Variants in CAMTA1 observed in about 807,000 individuals in gnomAD.
CAMTA1 encodes the protein calmodulin-binding transcription activator 1.
Under a neutral mutation model 170.9 loss-of-function variants are expected in CAMTA1, and 27 were observed. The observed-to-expected ratio is 0.16, with a 90% CI of 0.12 to 0.22. CAMTA1 has a LOEUF of 0.22. Among genes scored for constraint, CAMTA1 ranks in the 10% least tolerant of loss-of-function variants. CAMTA1 has a pLI of 1.00. For synonymous variants in CAMTA1, 833 were observed against 891.5 expected (o/e 0.93, Z 1.17); for missense variants, 1,619 against 2,217.2 (o/e 0.73, Z 5.42).
chr1:7,465,023 C>T (rs999117917), intron 5 of CAMTA1, among the ~76,000 whole-genome samples: 1 of 152,214 alleles, frequency 6.6e-6, no homozygotes, highest in African/African-American at 2.4e-5. Context: ...TTCCTTGAAA[C>T]TGAAGCTCAA....
In CAMTA1 at chr1:6,841,506, C is replaced by T. The variant is rs1655686850; in HGVS notation, c.234+16296C>T. Among the ~76,000 whole-genome samples, 3 of 151,336 alleles carry T rather than the reference C, an allele frequency of 2.0e-5. No homozygotes were observed. In the South Asian group the frequency reaches 6.3e-4, roughly 32 times the overall value. ...CCAGTGGAGTGTTGGTGCGGTGGCC[C>T]AATGGGAGTGAGTTGAAGAGCCAGC... On this transcript the variant is annotated intron_variant, in intron 3 of 22. Transcript: ENST00000303635.
At chr1:7,334,475 A>G (rs1289913388) in intron 5 of CAMTA1, among the ~76,000 whole-genome samples, 1 of 152,208 alleles carries the variant, frequency 6.6e-6, no homozygotes, top group African/African-American at 2.4e-5. Flanking sequence ...CCTAGCATGT[A>G]GCTAATATTA....
intron 11 of CAMTA1, among the ~76,000 whole-genome samples, chr1:7,689,878 G>C (rs1435462450): frequency 6.6e-6 from 1 of 152,146 alleles, no homozygotes; most frequent in East Asian, 1.9e-4. Flanking sequence ...GAGCCGGCTA[G>C]TGGGCACAGT....
rs973148383 is a variant in CAMTA1, at chr1:7,165,808, T to C, written c.302+74437T>C. ...TTTATTAACAATACATGGCATTGTT[T>C]TGCAGATTTTAAAAGTTTATATGAG... On this transcript the variant is annotated intron_variant, in intron 4 of 22. Transcript: ENST00000303635. Among the ~76,000 whole-genome samples, 118 of 152,338 alleles carry C rather than the reference T, an allele frequency of 7.7e-4. 1 individual carries two copies. Among genetic ancestry groups the C allele is most frequent in the African/African-American group, 2.8e-3 (115 of 41,580 alleles).
At chr1:7,384,594 C>T (rs2087720167) in intron 5 of CAMTA1, among the ~76,000 whole-genome samples, 1 of 152,222 alleles carries the variant, frequency 6.6e-6, no homozygotes, top group African/African-American at 2.4e-5. Context: ...CCTATCAAAG[C>T]AGCAAGGACA....
chr1:7,529,322 A>G (rs1371416426), intron 6 of CAMTA1, among the ~76,000 whole-genome samples: 2 of 151,224 alleles, frequency 1.3e-5, no homozygotes, highest in African/African-American at 4.9e-5. Flanking sequence ...CTGGGTCTGC[A>G]TCTCTCCTCT....
rs6685802 is a variant in CAMTA1 at position 7,014,696 on chromosome 1, G to A, written c.235-76608G>A. ...TTTCAAAAAGGAAGCCTCTCCTCTC[G>A]GGTATCATGACCAGGCTCCTCGTAA... is the stretch of plus-strand genomic sequence containing the variant. On this transcript the variant is annotated intron_variant, in intron 3 of 22. Transcript: ENST00000303635. This position sits in a 1 kb window ranked among gnomAD's most constrained non-coding sequence, Gnocchi z 4.2. Among the ~76,000 whole-genome samples, 4,791 of 152,200 alleles carry A rather than the reference G, an allele frequency of 0.031. 94 individuals carry two copies. The highest frequency in any genetic ancestry group is 0.048 in the South Asian group (229 of 4,804).
At chr1:7,260,797 G>A (rs1196386350) in intron 5 of CAMTA1, among the ~76,000 whole-genome samples, 3 of 152,214 alleles carry the variant, frequency 2.0e-5, no homozygotes, top group African/African-American at 7.2e-5. Flanking sequence ...ATGACAGCAC[G>A]AGAAAACTGG....
At chr1:7,648,246 T>G (rs6683920) in intron 7 of CAMTA1, among the ~76,000 whole-genome samples, 35,494 of 151,816 alleles carry the variant, frequency 0.23, 7,881 homozygotes, top group African/African-American at 0.59. Context: ...ACAAAAATTA[T>G]CTGGGCATGG....
At chr1:7,638,560 T>C (rs1277266633) in intron 6 of CAMTA1, among the ~76,000 whole-genome samples, 1 of 152,018 alleles carries the variant, frequency 6.6e-6, no homozygotes, top group Admixed American at 6.6e-5. Flanking sequence ...GAGAATTGCT[T>C]GAACCTGGGA....
At chr1:7,668,816 T>G (rs890680134) in intron 9 of CAMTA1, among the ~76,000 whole-genome samples, 1 of 152,284 alleles carries the variant, frequency 6.6e-6, no homozygotes. Flanking sequence ...AGCTGTTGAT[T>G]GCGGTTATTA....
At chr1:7,501,471 C>T (rs987859144) in intron 6 of CAMTA1, among the ~76,000 whole-genome samples, 5 of 151,904 alleles carry the variant, frequency 3.3e-5, no homozygotes, top group African/African-American at 7.3e-5. Flanking sequence ...TTGGGCTTGG[C>T]GGGGTGTGGG....
At chr1:7,705,005 C>T (rs1177677478) in intron 11 of CAMTA1, among the ~76,000 whole-genome samples, 1 of 126,440 alleles carries the variant, frequency 7.9e-6, no homozygotes, top group Non-Finnish European at 1.7e-5. Context: ...GACACGCGTG[C>T]TCGCGGGCCG....
intron 3 of CAMTA1, among the ~76,000 whole-genome samples, chr1:6,923,860 G>GA (rs1240303057): frequency 6.6e-6 from 1 of 152,188 alleles, no homozygotes; most frequent in Non-Finnish European, 1.5e-5. Flanking sequence ...GAATCCCCTA[G>GA]ACCTGCCAAT....
chr1:7,660,387 A>T (rs1463148226), intron 7 of CAMTA1, among the ~76,000 whole-genome samples: 2 of 152,090 alleles, frequency 1.3e-5, no homozygotes, highest in African/African-American at 2.4e-5. Context: ...ATTTTTTTTT[A>T]AATATCCAAG....
At chr1:7,308,849 T>C (rs1343801168) in intron 5 of CAMTA1, among the ~76,000 whole-genome samples, 1 of 152,236 alleles carries the variant, frequency 6.6e-6, no homozygotes, top group African/African-American at 2.4e-5. Flanking sequence ...TTGATGGTGC[T>C]ATTGAGTTGT....
chr1:6,886,534 T>C (rs1454893761), intron 3 of CAMTA1, among the ~76,000 whole-genome samples: 1 of 152,212 alleles, frequency 6.6e-6, no homozygotes, highest in Admixed American at 6.5e-5. Flanking sequence ...TTGTGACTTG[T>C]GAAAGTCACT....
chr1:7,344,732 T>A (rs1028252565), intron 5 of CAMTA1, among the ~76,000 whole-genome samples: 13 of 149,222 alleles, frequency 8.7e-5, no homozygotes, highest in Non-Finnish European at 4.4e-5. Context: ...GTGTTTCTCC[T>A]CTTTCCTGCT....
In CAMTA1 at chr1:7,768,708, C is replaced by A. The variant is rs189383513; in HGVS notation, c.*2217C>A. 6.6e-6 allele frequency: 1 copy of A among 152,608 alleles called. No individual in the cohort carries two copies. Among genetic ancestry groups the A allele is most frequent in the Non-Finnish European group, 1.5e-5 (1 of 68,022 alleles). 9.5% of individuals were successfully genotyped at this position (152,608 alleles called of 1,614,324 possible). ...GTGACAGCCCCACAACTAGTAGCCA[C>A]CTGTACATTTGTAAACTGACCTGAC... On this transcript the variant is annotated 3_prime_UTR_variant, in exon 23 of 23. Coordinates refer to ENST00000303635, the MANE Select transcript of CAMTA1 (RefSeq NM_015215.4).
Sources: allele counts gnomAD v4.1 joint callset (sites outside exome capture counted in the v4.1 genomes callset), GRCh38; gene constraint gnomAD v4.1.1; non-coding constraint Gnocchi (gnomAD v3.1); transcripts MANE v1.5; gene names NCBI Gene and HGNC (gene_info 2026-07-23, HGNC 2026-07-21).